C10orf67: variants seen among roughly 807,000 people sequenced by gnomAD.
C10orf67 encodes the protein chromosome 10 open reading frame 67, also known as uncharacterized protein C10orf67, mitochondrial.
C10orf67 carries 60 observed loss-of-function variants against 35.6 expected under a neutral mutation model. That is an observed-to-expected ratio of 1.68 (90% CI 1.37 to 2.09). C10orf67 has a LOEUF of 2.09. Ranked by LOEUF, C10orf67 falls within the 30% of genes most tolerant of loss-of-function variation. C10orf67 has a pLI of 0.00. For missense variants in C10orf67, 474 were observed against 330.2 expected (o/e 1.44, Z -3.38); for synonymous variants, 167 against 115.8 (o/e 1.44, Z -2.84).
intron 12 of C10orf67, among the ~76,000 whole-genome samples, chr10:23,248,261 C>T (rs1842365819): frequency 1.3e-5 from 2 of 152,140 alleles, no homozygotes; most frequent in African/African-American, 2.4e-5. Context: ...GTGGAAACAG[C>T]GGCATCACCG....
intron 8 of C10orf67, among the ~76,000 whole-genome samples, chr10:23,281,288 T>TA (rs1375203841): frequency 5.3e-5 from 8 of 152,194 alleles, no homozygotes; most frequent in Admixed American, 3.9e-4. Flanking sequence ...TGACAAGCTG[T>TA]AAAAAAGCGA....
In C10orf67 at chr10:23,212,778, TGAGAGAGAGAGA is replaced by T. The variant is rs58972226; in HGVS notation, c.1571-8535_1571-8524del. Among the ~76,000 whole-genome samples the T allele has an allele frequency of 5.8e-3, 587 of 101,156 alleles. 4 individuals are homozygous for T. The highest frequency in any genetic ancestry group is 0.014 in the African/African-American group (376 of 27,684). 66.4% of individuals were successfully genotyped at this position (101,156 alleles called of 152,430 possible). ...GAACTATATTCAGGAAATATTGTATTGAGAGAGAGAGAGAGAGAGAGAGAGAGAGAGAGAGAG... is the reference window on the plus strand; with the variant it reads ...GAACTATATTCAGGAAATATTGTATTGAGAGAGAGAGAGAGAGAGAGAGAG... On this transcript the variant is annotated intron_variant, in intron 15 of 15. Transcript: ENST00000636213.
chr10:23,333,061 C>A lies in C10orf67; in HGVS notation c.327+1G>T. 6.2e-7 allele frequency: 1 copy of A among 1,609,172 alleles called. No homozygotes were observed. The highest frequency in any genetic ancestry group is 8.5e-7 in the Non-Finnish European group (1 of 1,178,502). ...AAGTTTCAGAACAAATTCAGATTTA[C>A]CTGTGCTAACTTTTGCGTAGATGAA... On this transcript the variant is annotated splice_donor_variant, in intron 2 of 15. Transcript: ENST00000636213. LOFTEE classifies it high-confidence loss of function.
chr10:23,236,253 G>GAAAAAAAAAA (rs368833212), intron 13 of C10orf67, among the ~76,000 whole-genome samples: 73 of 75,778 alleles, frequency 9.6e-4, no homozygotes, highest in African/African-American at 4.1e-3. Context: ...CCTCTCGGGG[G>GAAAAAAAAAA]AAAAAAAAAA....
chr10:23,334,893 A>G (rs532444937), intron 1 of C10orf67, among the ~76,000 whole-genome samples: 1 of 152,326 alleles, frequency 6.6e-6, no homozygotes, highest in South Asian at 2.1e-4. Context: ...GAGCTTTCAA[A>G]AAAGATGGAA....
At chr10:23,336,899 G>A (rs979493019) in intron 1 of C10orf67, among the ~76,000 whole-genome samples, 1 of 152,114 alleles carries the variant, frequency 6.6e-6, no homozygotes, top group Non-Finnish European at 1.5e-5. Flanking sequence ...TGGAATAAAA[G>A]TATATAAAAT....
intron 7 of C10orf67, among the ~76,000 whole-genome samples, chr10:23,288,930 G>A (rs980612577): frequency 5.9e-5 from 9 of 152,062 alleles, no homozygotes; most frequent in African/African-American, 1.9e-4. Context: ...CTCAGGCATC[G>A]TGCTCCCCAC....
chr10:23,266,098 G>A (rs1169001083), intron 10 of C10orf67, among the ~76,000 whole-genome samples, 164 bp downstream of exon 10: 11 of 152,092 alleles, frequency 7.2e-5, no homozygotes, highest in Admixed American at 6.5e-4. Context: ...AGTAAAGGAG[G>A]CTCACCCTGA....
intron 4 of C10orf67, among the ~76,000 whole-genome samples, chr10:23,309,787 C>T (rs779361842): frequency 6.6e-6 from 1 of 152,138 alleles, no homozygotes; most frequent in Non-Finnish European, 1.5e-5. Flanking sequence ...GACTTCAGGA[C>T]AGGGAGGGCC....
intron 12 of C10orf67, among the ~76,000 whole-genome samples, chr10:23,249,156 A>C (rs970174860): frequency 6.7e-6 from 1 of 150,328 alleles, no homozygotes; most frequent in Non-Finnish European, 1.5e-5. Context: ...AAAAAAAAAA[A>C]AAAAGAAAAC....
intron 4 of C10orf67, among the ~76,000 whole-genome samples, chr10:23,316,521 C>T (rs1020980053): frequency 8.5e-5 from 13 of 152,200 alleles, no homozygotes; most frequent in African/African-American, 3.1e-4. Flanking sequence ...TTAGTCCCAC[C>T]ATTTGGTGGG....
intron 1 of C10orf67, among the ~76,000 whole-genome samples, chr10:23,336,898 A>C (rs968178917): frequency 6.6e-6 from 1 of 152,220 alleles, no homozygotes; most frequent in East Asian, 1.9e-4. Flanking sequence ...TTGGAATAAA[A>C]GTATATAAAA....
intron 12 of C10orf67, among the ~76,000 whole-genome samples, chr10:23,241,894 T>A (rs191512799): frequency 0.028 from 4,211 of 149,030 alleles, 77 homozygotes; most frequent in Non-Finnish European, 0.039. Flanking sequence ...TACCTAGACA[T>A]GAAAAAAAAG....
chr10:23,255,022 A>G (rs1387119680), intron 10 of C10orf67, among the ~76,000 whole-genome samples: 1 of 152,206 alleles, frequency 6.6e-6, no homozygotes, highest in Non-Finnish European at 1.5e-5. Context: ...TTTGACTTTC[A>G]TATTAACATT....
rs973586876 is a variant in C10orf67, at chr10:23,223,768, G to T, written c.1485C>A (p.Ser495=). 9.8e-6 allele frequency: 7 copies of T among 715,462 alleles called. No individual in the cohort carries two copies. The highest frequency in any genetic ancestry group is 5.4e-5 in the East Asian group (2 of 37,280). The allele number at this position is 715,462 out of a possible 1,614,324, so 44.3% of individuals were successfully genotyped here. A position where few individuals can be genotyped will look rare whatever the true frequency, so the allele number is the denominator to read the frequency against. The part of the protein sequence containing the change: ...VQSRTTMTAI[S]SSSHCTSSID... Reference sequence around the variant, plus strand: ...CTGAAGATGTACAATGACTTGAAGAGGATATAGCTGTCATGGTCGTTCTAG... The same window carrying T: ...CTGAAGATGTACAATGACTTGAAGATGATATAGCTGTCATGGTCGTTCTAG... The change falls in exon 14 of 16, where the codon TCC becomes TCA. Residue 495 remains serine (S), a synonymous_variant. Transcript: ENST00000636213.
chr10:23,218,307 A>ATTTTTTTTTTT (rs371926193), intron 15 of C10orf67, among the ~76,000 whole-genome samples: 2 of 119,102 alleles, frequency 1.7e-5, no homozygotes, highest in African/African-American at 6.7e-5. Context: ...CACGAGGCTA[A>ATTTTTTTTTTT]TTTTTTTTTT....
intron 13 of C10orf67, among the ~76,000 whole-genome samples, chr10:23,231,867 A>G (rs1219590559): frequency 3.3e-5 from 5 of 152,198 alleles, no homozygotes; most frequent in Non-Finnish European, 5.9e-5. Flanking sequence ...TTAGAATTAT[A>G]ATGTTGAGAA....
At chr10:23,281,823 G>T (rs1198209386) in intron 8 of C10orf67, among the ~76,000 whole-genome samples, 190 bp downstream of exon 8, 1 of 152,056 alleles carries the variant, frequency 6.6e-6, no homozygotes, top group Non-Finnish European at 1.5e-5. Flanking sequence ...ATTTATTGCT[G>T]TGCTACTCAA....
intron 1 of C10orf67, among the ~76,000 whole-genome samples, chr10:23,334,851 C>T (rs1310564889): frequency 1.3e-5 from 2 of 152,170 alleles, no homozygotes; most frequent in African/African-American, 4.8e-5. Flanking sequence ...CACTAGGTGA[C>T]TACAAGGGGG....
Sources: allele counts gnomAD v4.1 joint callset (sites outside exome capture counted in the v4.1 genomes callset), GRCh38; gene constraint gnomAD v4.1.1; transcripts MANE v1.5; gene names NCBI Gene and HGNC (gene_info 2026-07-23, HGNC 2026-07-21).